Variants in KIAA1328 observed in about 807,000 individuals in gnomAD.
KIAA1328 encodes KIAA1328.
KIAA1328 carries 52 observed loss-of-function variants against 68.1 expected under a neutral mutation model. That is an observed-to-expected ratio of 0.76 (90% CI 0.61 to 0.96). KIAA1328 has a LOEUF of 0.96. Among genes scored for constraint, KIAA1328 ranks in the 40% least tolerant of loss-of-function variants. The pLI is 0.00. For synonymous variants in KIAA1328, 232 were observed against 239.4 expected (o/e 0.97, Z 0.28); for missense variants, 641 against 677.6 (o/e 0.95, Z 0.60).
chr18:37,078,176 A>G (rs1438180935), intron 7 of KIAA1328, among the ~76,000 whole-genome samples: 2 of 152,218 alleles, frequency 1.3e-5, no homozygotes, highest in Non-Finnish European at 2.9e-5. Flanking sequence ...ATAACGCCAC[A>G]TATCTACAAC....
intron 5 of KIAA1328, among the ~76,000 whole-genome samples, chr18:36,958,567 T>C (rs763371258): frequency 6.6e-6 from 1 of 152,212 alleles, no homozygotes; most frequent in Non-Finnish European, 1.5e-5. Flanking sequence ...CAGTGTGTTT[T>C]TTATTTACAT....
intron 7 of KIAA1328, among the ~76,000 whole-genome samples, chr18:37,134,922 G>A (rs2058609290): frequency 6.6e-6 from 1 of 152,030 alleles, no homozygotes; most frequent in Non-Finnish European, 1.5e-5. Context: ...CCAACGTTTA[G>A]TTCCCACTTA....
At chr18:37,174,201 A>G (rs1254567758) in intron 9 of KIAA1328, among the ~76,000 whole-genome samples, 1 of 152,162 alleles carries the variant, frequency 6.6e-6, no homozygotes, top group Admixed American at 6.6e-5. Context: ...GAGATATTGA[A>G]GAACAGTCTA....
intron 6 of KIAA1328, among the ~76,000 whole-genome samples, chr18:37,061,244 C>T (rs1270151237): frequency 6.6e-6 from 1 of 152,190 alleles, no homozygotes; most frequent in Non-Finnish European, 1.5e-5. Context: ...GTGACATACT[C>T]TATGATTGCA....
At chr18:37,187,683 G>A (rs2059829933) in intron 9 of KIAA1328, among the ~76,000 whole-genome samples, 1 of 152,072 alleles carries the variant, frequency 6.6e-6, no homozygotes, top group African/African-American at 2.4e-5. Context: ...TAAATAAAAG[G>A]ATACTAGGAA....
intron 6 of KIAA1328, among the ~76,000 whole-genome samples, chr18:37,043,364 A>G (rs1013531349): frequency 3.3e-5 from 5 of 152,100 alleles, no homozygotes; most frequent in African/African-American, 1.2e-4. Context: ...GATGTGATAT[A>G]TTATAACATC....
At chr18:37,193,671 G>A (rs545411565) in intron 9 of KIAA1328, 2 of 701,858 alleles carry the variant, frequency 2.8e-6, no homozygotes, top group African/African-American at 1.7e-5. Flanking sequence ...TAGGCTACAC[G>A]GATTATGGAA....
intron 5 of KIAA1328, among the ~76,000 whole-genome samples, chr18:36,951,538 C>G (rs1161694413): frequency 1.3e-5 from 2 of 152,130 alleles, no homozygotes; most frequent in Admixed American, 6.5e-5. Flanking sequence ...CTTCAGCCAC[C>G]ACATATAAAG....
chr18:37,000,830 A>T (rs1024640911), intron 6 of KIAA1328, among the ~76,000 whole-genome samples: 3 of 152,164 alleles, frequency 2.0e-5, no homozygotes, highest in African/African-American at 7.2e-5. Context: ...AATTTTAAAA[A>T]GATTTGAAAC....
intron 7 of KIAA1328, among the ~76,000 whole-genome samples, chr18:37,106,201 C>T (rs1237789279): frequency 2.0e-5 from 3 of 151,912 alleles, no homozygotes; most frequent in Non-Finnish European, 4.4e-5. Flanking sequence ...GAAAAAAGTA[C>T]TAATGCATGT....
chr18:37,024,828 CA>C (rs975044762), intron 6 of KIAA1328, among the ~76,000 whole-genome samples: 3 of 151,968 alleles, frequency 2.0e-5, no homozygotes, highest in African/African-American at 7.3e-5. Flanking sequence ...AATAGTGATG[CA>C]AAAAACATAC....
At chr18:37,202,591 A>C (rs1244032557) in intron 9 of KIAA1328, among the ~76,000 whole-genome samples, 1 of 152,190 alleles carries the variant, frequency 6.6e-6, no homozygotes, top group Non-Finnish European at 1.5e-5. Flanking sequence ...AAAGACTTAG[A>C]GTAGCCGTGG....
chr18:37,034,646 T>C (rs1177557651), intron 6 of KIAA1328, among the ~76,000 whole-genome samples: 2 of 152,204 alleles, frequency 1.3e-5, no homozygotes, highest in Non-Finnish European at 1.5e-5. Flanking sequence ...TCATTTGCAA[T>C]GGTACAGTGC....
At chr18:36,972,539 C>T (rs1414088479) in intron 6 of KIAA1328, among the ~76,000 whole-genome samples, 1 of 152,140 alleles carries the variant, frequency 6.6e-6, no homozygotes, top group East Asian at 1.9e-4. Context: ...CAATGCTAGC[C>T]ATTGTTAATG....
intron 6 of KIAA1328, among the ~76,000 whole-genome samples, chr18:36,960,693 C>T (rs1423998499): frequency 1.3e-5 from 2 of 152,172 alleles, no homozygotes; most frequent in East Asian, 3.9e-4. Flanking sequence ...GGACTTCCAG[C>T]AAACACCAAC....
chr18:37,026,820 G>A (rs533998737), intron 6 of KIAA1328, among the ~76,000 whole-genome samples: 17 of 152,246 alleles, frequency 1.1e-4, no homozygotes, highest in African/African-American at 4.1e-4. Context: ...GCACAAGACA[G>A]GGATGCCCTC....
chr18:37,110,296 T>C (rs1028070771), intron 7 of KIAA1328, among the ~76,000 whole-genome samples: 2 of 152,206 alleles, frequency 1.3e-5, no homozygotes, highest in Non-Finnish European at 2.9e-5. Flanking sequence ...ATTTGTACAT[T>C]AGGTATTTTG....
chr18:37,095,856 T>C (rs1298913874), intron 7 of KIAA1328, among the ~76,000 whole-genome samples: 2 of 152,302 alleles, frequency 1.3e-5, no homozygotes. Context: ...GAGACTATTA[T>C]GAAAAACTGT....
chr18:37,140,332 A>C (rs1478466243), intron 7 of KIAA1328, among the ~76,000 whole-genome samples: 1 of 152,154 alleles, frequency 6.6e-6, no homozygotes, highest in East Asian at 1.9e-4. Context: ...CAGCATTTCC[A>C]TGGCATTTTA....
Sources: allele counts gnomAD v4.1 joint callset (sites outside exome capture counted in the v4.1 genomes callset), GRCh38; gene constraint gnomAD v4.1.1; transcripts MANE v1.5; gene names NCBI Gene and HGNC (gene_info 2026-07-23, HGNC 2026-07-21).